The following CHD7 variants were observed in gnomAD, a reference collection of about 807,000 sequenced individuals.
CHD7 encodes ATP-dependent chromatin remodeler CHD7.
In CHD7, 24 loss-of-function variants were observed where a neutral mutation model predicts 307.3. The observed-to-expected ratio is 0.08, with a 90% CI of 0.06 to 0.11. The LOEUF is 0.11. Among genes scored for constraint, CHD7 ranks in the 10% least tolerant of loss-of-function variants. CHD7 has a pLI of 1.00. For synonymous variants in CHD7, 1,363 were observed against 1,349.9 expected (o/e 1.01, Z -0.21); for missense variants, 3,106 against 3,727.1 (o/e 0.83, Z 4.34).
intron 1 of CHD7, among the ~76,000 whole-genome samples, chr8:60,690,715 T>C (rs544953539): frequency 6.6e-6 from 1 of 152,332 alleles, no homozygotes; most frequent in African/African-American, 2.4e-5. Context: ...GCTGAATTGC[T>C]GGCTGGCAGT....
At chr8:60,845,650 G>A (rs1366365908) in intron 23 of CHD7, among the ~76,000 whole-genome samples, 1 of 152,172 alleles carries the variant, frequency 6.6e-6, no homozygotes. Context: ...CCTTTGCACA[G>A]CCTTATCATT....
chr8:60,827,243 T>G (rs1438236919), intron 13 of CHD7, among the ~76,000 whole-genome samples: 1 of 141,292 alleles, frequency 7.1e-6, no homozygotes, highest in African/African-American at 2.9e-5. Flanking sequence ...AAACTTAAAG[T>G]ATAATAAAAA....
At position 60,743,101 on chromosome 8, in the gene CHD7, A is replaced by G; in HGVS notation, c.1665+4A>G. On this transcript the variant is annotated splice_donor_region_variant and intron_variant, in intron 2 of 37. Coordinates refer to ENST00000423902, the MANE Select transcript of CHD7 (RefSeq NM_017780.4). Reference sequence around the variant, plus strand: ...GCAGAAAGTGCCTGTGCATCAGGTAAGGGGACACAGAGCCTACCTCTGCAT... The same window carrying G: ...GCAGAAAGTGCCTGTGCATCAGGTAGGGGGACACAGAGCCTACCTCTGCAT... 6.2e-7 allele frequency: 1 copy of G among 1,609,836 alleles called. No homozygotes were observed. Among genetic ancestry groups the G allele is most frequent in the Non-Finnish European group, 8.5e-7 (1 of 1,177,080 alleles).
intron 23 of CHD7, 51 bp from the exon 24 acceptor site, chr8:60,848,464 C>T: frequency 1.5e-6 from 2 of 1,352,584 alleles, no homozygotes; most frequent in East Asian, 2.4e-5. Flanking sequence ...CCACTGTTGG[C>T]AAACAGTCCT....
At chr8:60,814,724 C>T (rs185563218) in intron 7 of CHD7, among the ~76,000 whole-genome samples, 325 of 152,240 alleles carry the variant, frequency 2.1e-3, no homozygotes, top group Admixed American at 3.4e-3. Context: ...CTGATTATGA[C>T]AGTATTGCAT....
At chr8:60,756,375 A>G (rs946862461) in intron 2 of CHD7, among the ~76,000 whole-genome samples, 1 of 152,202 alleles carries the variant, frequency 6.6e-6, no homozygotes, top group Admixed American at 6.5e-5. Context: ...GATTTTTTGG[A>G]ATAAATTTTT....
At chr8:60,735,717 A>G (rs1563554123) in intron 1 of CHD7, among the ~76,000 whole-genome samples, 1 of 152,200 alleles carries the variant, frequency 6.6e-6, no homozygotes, top group African/African-American at 2.4e-5. Context: ...AGAGGAGAAA[A>G]TATTTTTTAT....
At chr8:60,707,722 A>G (rs192653379) in intron 1 of CHD7, among the ~76,000 whole-genome samples, 1 of 152,328 alleles carries the variant, frequency 6.6e-6, no homozygotes, top group Admixed American at 6.5e-5. Context: ...TGAGGGTAAA[A>G]GAAATCTTTA....
At chr8:60,791,888 C>G (rs1052482822) in intron 3 of CHD7, among the ~76,000 whole-genome samples, 1 of 152,178 alleles carries the variant, frequency 6.6e-6, no homozygotes, top group African/African-American at 2.4e-5. Flanking sequence ...TGAAGTCATC[C>G]TCAGTGAAGG....
In CHD7 at chr8:60,856,822, A is replaced by G. The variant is rs1586453833; in HGVS notation, c.7542A>G (p.Gly2514=). 1 of 1,596,524 alleles carries G rather than the reference A, an allele frequency of 6.3e-7. No individual in the cohort carries two copies. Among genetic ancestry groups the G allele is most frequent in the Non-Finnish European group, 8.5e-7 (1 of 1,171,198 alleles). ...AGCCTCCCATGAAGAGGAGGCGGGG[A>G]AGGAGGAAAAATGTGGAGGGACTTG... is the stretch of plus-strand genomic sequence containing the variant. ...DGEPPMKRRR[G]RRKNVEGLDL... Residue 2514 remains glycine, a synonymous_variant, in exon 34 of 38, where the codon GGA becomes GGG. Coordinates refer to ENST00000423902, the MANE Select transcript of CHD7 (RefSeq NM_017780.4).
intron 2 of CHD7, among the ~76,000 whole-genome samples, chr8:60,757,969 T>C (rs1809976336): frequency 6.6e-6 from 1 of 152,368 alleles, no homozygotes; most frequent in South Asian, 2.1e-4. Flanking sequence ...GAAATCCTGA[T>C]GCTCTTAAAT....
chr8:60,763,068 G>A (rs1329180332), intron 2 of CHD7, among the ~76,000 whole-genome samples: 2 of 152,160 alleles, frequency 1.3e-5, no homozygotes, highest in Non-Finnish European at 2.9e-5. Context: ...GTCATGCTGG[G>A]CAGGTCGGTC....
chr8:60,826,773 T>A (rs184800343), intron 13 of CHD7, among the ~76,000 whole-genome samples: 43 of 152,352 alleles, frequency 2.8e-4, no homozygotes, highest in Non-Finnish European at 1.2e-4. Context: ...GAGGGGATGC[T>A]GTGGAGATCA....
At chr8:60,856,305 G>A in intron 33 of CHD7, 103 bp downstream of exon 33, 1 of 1,243,186 alleles carries the variant, frequency 8.0e-7, no homozygotes, top group Non-Finnish European at 1.1e-6. Context: ...AAATAAGATA[G>A]CTGCTGTTTC....
intron 8 of CHD7, among the ~76,000 whole-genome samples, chr8:60,818,310 A>C (rs144809390): frequency 2.0e-4 from 31 of 152,336 alleles, no homozygotes; most frequent in Non-Finnish European, 3.8e-4. Context: ...TTAGACTGGA[A>C]ATTTCGTCAC....
intron 7 of CHD7, among the ~76,000 whole-genome samples, chr8:60,812,734 TTTTA>T (rs962406170): frequency 2.0e-5 from 3 of 151,760 alleles, no homozygotes; most frequent in African/African-American, 4.8e-5. Context: ...GTCCTAAAGT[TTTTA>T]TTTATTTATT....
At chr8:60,836,361 G>T (rs1563643636) in intron 16 of CHD7, 78 bp downstream of exon 16, 12 of 1,224,106 alleles carry the variant, frequency 9.8e-6, no homozygotes, top group South Asian at 7.6e-5. Flanking sequence ...CCACCTAAAA[G>T]TGGAATCTAT....
chr8:60,757,188 A>C (rs977082696), intron 2 of CHD7, among the ~76,000 whole-genome samples: 1 of 152,176 alleles, frequency 6.6e-6, no homozygotes, highest in African/African-American at 2.4e-5. Context: ...GGATGATAGA[A>C]GTCTTCTTTT....
intron 3 of CHD7, among the ~76,000 whole-genome samples, chr8:60,791,708 G>A (rs1158837343): frequency 6.6e-6 from 1 of 152,202 alleles, no homozygotes; most frequent in Admixed American, 6.5e-5. Flanking sequence ...ATGAGGCAGT[G>A]GGGAGCTGTT....
Sources: allele counts gnomAD v4.1 joint callset (sites outside exome capture counted in the v4.1 genomes callset), GRCh38; gene constraint gnomAD v4.1.1; transcripts MANE v1.5; gene names NCBI Gene and HGNC (gene_info 2026-07-23, HGNC 2026-07-21).